The following ADGRL3 variants were observed in gnomAD, a reference collection of about 807,000 sequenced individuals.
ADGRL3 encodes the protein calcium-independent alpha-latrotoxin receptor 3.
A neutral mutation model predicts 153.5 loss-of-function variants in ADGRL3; 62 were observed. The ratio of observed to expected loss-of-function variants is 0.40; its 90% CI spans 0.33 to 0.50. The LOEUF (loss-of-function observed/expected upper bound fraction) is 0.50, where lower values mean the gene tolerates loss of function less well. Ranked by LOEUF, ADGRL3 falls within the 20% of genes least tolerant of loss-of-function variation. The pLI, the probability that ADGRL3 is intolerant of heterozygous loss-of-function variation, is 0.47. For synonymous variants in ADGRL3, 710 were observed against 672.5 expected, an observed-to-expected ratio of 1.06 and a Z score of -0.86; for missense variants, 1,641 against 1,859.4, an observed-to-expected ratio of 0.88 and a Z score of 2.16.
intron 5 of ADGRL3, among the ~76,000 whole-genome samples, chr4:61,670,904 G>C (rs533285032): frequency 6.6e-6 from 1 of 152,274 alleles, no homozygotes; most frequent in Non-Finnish European, 1.5e-5. Context: ...GGTCATTGTA[G>C]GATGTCCTCG....
At chr4:61,791,064 C>T (rs1476517365) in intron 8 of ADGRL3, among the ~76,000 whole-genome samples, 3 of 152,158 alleles carry the variant, frequency 2.0e-5, no homozygotes, top group Non-Finnish European at 4.4e-5. Context: ...TATCATTCCA[C>T]TTCTAGCCCC....
intron 9 of ADGRL3, among the ~76,000 whole-genome samples, chr4:61,831,288 C>G (rs1317865131): frequency 6.6e-6 from 1 of 151,750 alleles, no homozygotes; most frequent in African/African-American, 2.4e-5. Flanking sequence ...ACACTGGAAA[C>G]AAGGTGATAG....
chr4:61,281,967 T>C (rs1365248420), intron 1 of ADGRL3, among the ~76,000 whole-genome samples: 1 of 152,140 alleles, frequency 6.6e-6, no homozygotes, highest in Non-Finnish European at 1.5e-5. Flanking sequence ...GGTAGGGCAC[T>C]TGGCTCTGTC....
rs2096420718 is a variant in ADGRL3, at chr4:61,730,484, G to A, written c.584-138G>A. 3 of 287,686 alleles carry A rather than the reference G, an allele frequency of 1.0e-5. No homozygotes were observed. The South Asian group carries it at 4.8e-4, about 46-fold the overall frequency. The allele number at this position is 287,686 out of a possible 1,614,324, so 17.8% of individuals were successfully genotyped here. A position where few individuals can be genotyped will look rare whatever the true frequency, so the allele number is the denominator to read the frequency against. On this transcript the variant is annotated intron_variant, in intron 6 of 26. Coordinates refer to ENST00000683033, the MANE Select transcript of ADGRL3 (RefSeq NM_001387552.1). ...GATGGGTTTTATTAAAACATATAAT[G>A]TTCAATAAAGCAAGTATGAGTGAAA...
intron 5 of ADGRL3, among the ~76,000 whole-genome samples, chr4:61,589,547 G>T (rs1036912409): frequency 6.6e-6 from 1 of 152,098 alleles, no homozygotes; most frequent in African/African-American, 2.4e-5. Context: ...TGGAAAACAT[G>T]TTTTTTTAAA....
At chr4:61,737,592 G>A (rs2096534103) in intron 8 of ADGRL3, among the ~76,000 whole-genome samples, 1 of 152,046 alleles carries the variant, frequency 6.6e-6, no homozygotes, top group Non-Finnish European at 1.5e-5. Context: ...AACCTCAGAA[G>A]ATTATTGTTA....
chr4:61,553,356 GC>G (rs1204522486), intron 4 of ADGRL3, among the ~76,000 whole-genome samples: 1 of 152,082 alleles, frequency 6.6e-6, no homozygotes, highest in African/African-American at 2.4e-5. Flanking sequence ...GTATAAATAA[GC>G]TTTCAATACA....
In ADGRL3 at chr4:61,832,818, T is replaced by C. The variant is rs931743399; in HGVS notation, c.1480+18929T>C. 3.1e-4 allele frequency among the ~76,000 whole-genome samples: 47 copies of C among 151,598 alleles called. 1 individual carries two copies. The highest frequency in any genetic ancestry group is 7.2e-4 in the African/African-American group (30 of 41,422). On this transcript the variant is annotated intron_variant, in intron 9 of 26. Coordinates refer to ENST00000683033, the MANE Select transcript of ADGRL3 (RefSeq NM_001387552.1). ...CTCTCTCTGTTTTCTTTTTCTTTTT[T>C]TTTTTTTTTTAAGAGAAGGGGTCTA... is the stretch of plus-strand genomic sequence containing the variant.
At chr4:61,512,885 G>A (rs1021219036) in intron 3 of ADGRL3, among the ~76,000 whole-genome samples, 1 of 152,022 alleles carries the variant, frequency 6.6e-6, no homozygotes, top group Non-Finnish European at 1.5e-5. Flanking sequence ...GAATGACAGA[G>A]TGTAATATGT....
intron 8 of ADGRL3, among the ~76,000 whole-genome samples, chr4:61,803,613 C>G (rs1313184623): frequency 1.3e-5 from 2 of 151,772 alleles, no homozygotes; most frequent in Admixed American, 1.3e-4. Context: ...ATAATAGGAA[C>G]CAAATGATTC....
chr4:61,242,873 G>A (rs6551613), intron 1 of ADGRL3, among the ~76,000 whole-genome samples: 149,656 of 152,198 alleles, frequency 0.98, 73,630 homozygotes, highest in East Asian at 1. Flanking sequence ...TAATTCTATA[G>A]TTTATTTTAA....
At chr4:61,309,559 T>C (rs1348041786) in intron 1 of ADGRL3, among the ~76,000 whole-genome samples, 1 of 152,142 alleles carries the variant, frequency 6.6e-6, no homozygotes, top group African/African-American at 2.4e-5. Context: ...ATCTATAGTA[T>C]AGTAAGCTTT....
rs2094440911 is a variant in ADGRL3, at chr4:61,297,283, T to C, written c.-239-85841T>C. 3.3e-5 allele frequency among the ~76,000 whole-genome samples: 5 copies of C among 152,084 alleles called. No homozygotes were observed. The South Asian group carries it at 1.0e-3, about 31-fold the overall frequency. On this transcript the variant is annotated intron_variant, in intron 1 of 26. Transcript: ENST00000683033. ...AGAAATGTTTTTTGAAAAGAAAACC[T>C]TTTTGGGGGTGTCTGTGTGTCTCTT...
chr4:61,902,681 C>G (rs1456499173), intron 11 of ADGRL3, among the ~76,000 whole-genome samples: 2 of 152,012 alleles, frequency 1.3e-5, no homozygotes, highest in African/African-American at 4.8e-5. Flanking sequence ...AAAAGCTGTT[C>G]CCTCTGCCCA....
chr4:61,688,107 T>C (rs1391429805), intron 6 of ADGRL3, among the ~76,000 whole-genome samples: 19 of 152,070 alleles, frequency 1.2e-4, no homozygotes, highest in Admixed American at 1.2e-3. Context: ...TTCTTCATAC[T>C]ATATATTATA....
chr4:62,040,170 G>A (rs1302514641), intron 24 of ADGRL3, among the ~76,000 whole-genome samples: 2 of 152,056 alleles, frequency 1.3e-5, no homozygotes, highest in Non-Finnish European at 1.5e-5. Context: ...TTGCTAAGAA[G>A]ATTGAAGTAA....
chr4:62,032,457 TA>T (rs1175138985), intron 23 of ADGRL3, among the ~76,000 whole-genome samples: 3 of 151,664 alleles, frequency 2.0e-5, no homozygotes, highest in South Asian at 4.2e-4. Flanking sequence ...TTTTTCTATT[TA>T]AAAACTTATG....
At chr4:61,955,949 G>T (rs2098964680) in intron 17 of ADGRL3, among the ~76,000 whole-genome samples, 1 of 152,102 alleles carries the variant, frequency 6.6e-6, no homozygotes. Flanking sequence ...GTGGGCAATT[G>T]GTTTGGTTCC....
chr4:61,958,062 T>G (rs2098974180), intron 17 of ADGRL3, among the ~76,000 whole-genome samples: 1 of 152,184 alleles, frequency 6.6e-6, no homozygotes. Flanking sequence ...AAAGTTAACT[T>G]TCTTTTCACA....
Sources: gnomAD v4.1 joint callset for allele counts (sites outside exome capture counted in the v4.1 genomes callset) on GRCh38, gnomAD v4.1.1 for gene constraint, MANE v1.5 for transcripts, NCBI Gene and HGNC (gene_info 2026-07-23, HGNC 2026-07-21) for gene names.